The following SEMA3C variants were observed in gnomAD, a reference collection of about 807,000 sequenced individuals.
SEMA3C encodes semaphorin 3C.
In SEMA3C, 47 loss-of-function variants were observed where a neutral mutation model predicts 89.4. That is an observed-to-expected ratio of 0.53 (90% CI 0.42 to 0.67). SEMA3C has a LOEUF of 0.67. Among genes scored for constraint, SEMA3C ranks in the 30% least tolerant of loss-of-function variants. SEMA3C has a pLI of 0.00. For missense variants in SEMA3C, 839 were observed against 929.1 expected (o/e 0.90, Z 1.26); for synonymous variants, 310 against 320.2 (o/e 0.97, Z 0.34).
intron 12 of SEMA3C, among the ~76,000 whole-genome samples, chr7:80,765,950 C>A (rs749598712): frequency 2.6e-5 from 4 of 152,130 alleles, no homozygotes; most frequent in African/African-American, 4.8e-5. Context: ...GTGACAATCT[C>A]ATTTTGTTAA....
intron 12 of SEMA3C, among the ~76,000 whole-genome samples, chr7:80,766,587 A>G (rs1436189790): frequency 6.6e-6 from 1 of 152,148 alleles, no homozygotes; most frequent in Admixed American, 6.5e-5. Flanking sequence ...TGTGGAGTGT[A>G]CTTTCATTTT....
chr7:80,887,367 GTGAGTTTCTCTCA>G (rs1362230066), intron 2 of SEMA3C, among the ~76,000 whole-genome samples: 4 of 151,662 alleles, frequency 2.6e-5, no homozygotes, highest in South Asian at 2.1e-4. Context: ...GAGTTTCTCT[GTGAGTTTCTCTCA>G]TGAGTTTCTC....
intron 6 of SEMA3C, among the ~76,000 whole-genome samples, chr7:80,809,853 G>A (rs1221566850): frequency 1.3e-5 from 2 of 151,976 alleles, no homozygotes; most frequent in Admixed American, 6.6e-5. Context: ...AATAAGCCAG[G>A]CACAGAAAGA....
At chr7:80,901,956 T>A (rs1035568567) in intron 2 of SEMA3C, among the ~76,000 whole-genome samples, 3 of 152,246 alleles carry the variant, frequency 2.0e-5, no homozygotes, top group East Asian at 3.9e-4. Context: ...GTTGTTTGGG[T>A]TTTTTTGTTG....
chr7:80,827,417 A>G lies in SEMA3C; in HGVS notation c.327+8T>C. 1 of 1,417,128 alleles carries G rather than the reference A, an allele frequency of 7.1e-7. No individual in the cohort carries two copies. Among genetic ancestry groups the G allele is most frequent in the Non-Finnish European group, 9.3e-7 (1 of 1,070,368 alleles). 87.8% of individuals were successfully genotyped at this position (1,417,128 alleles called of 1,614,324 possible). A position where few individuals can be genotyped will look rare whatever the true frequency, so the allele number is the denominator to read the frequency against. ...GTTTTTTTTTTTTTTTTTTTTTTTA[A>G]CACTTACTGTGGGATCTTTGCCAGC... On this transcript the variant is annotated splice_region_variant and intron_variant, in intron 4 of 17. Transcript: ENST00000265361.
At chr7:80,759,912 A>G (rs1054967972) in intron 14 of SEMA3C, among the ~76,000 whole-genome samples, 2 of 152,228 alleles carry the variant, frequency 1.3e-5, no homozygotes, top group Non-Finnish European at 2.9e-5. Flanking sequence ...CAGCTTCATT[A>G]AAATACTTTA....
chr7:80,800,720 T>A (rs754186886), intron 10 of SEMA3C, 37 bp downstream of exon 10: 11 of 1,247,308 alleles, frequency 8.8e-6, no homozygotes, highest in Non-Finnish European at 1.1e-5. Context: ...ATGAAGTTTA[T>A]TGTTTAACTC....
At chr7:80,810,763 C>T in intron 5 of SEMA3C, 62 bp from the exon 6 acceptor site, 1 of 1,269,620 alleles carries the variant, frequency 7.9e-7, no homozygotes, top group Non-Finnish European at 1.1e-6. Context: ...GACAATTGTT[C>T]ATTAGTAAAA....
chr7:80,865,085 C>T (rs140419822), intron 2 of SEMA3C, among the ~76,000 whole-genome samples: 271 of 152,236 alleles, frequency 1.8e-3, no homozygotes, highest in African/African-American at 6.2e-3. Context: ...CATTTACATA[C>T]ACTCTGGTGC....
chr7:80,814,722 A>C (rs894538101), intron 5 of SEMA3C, among the ~76,000 whole-genome samples: 7 of 152,156 alleles, frequency 4.6e-5, no homozygotes, highest in Non-Finnish European at 2.9e-5. Flanking sequence ...CAACTACACA[A>C]TTAAAGAGGC....
chr7:80,840,972 C>T (rs764421672), intron 2 of SEMA3C, among the ~76,000 whole-genome samples: 8 of 151,966 alleles, frequency 5.3e-5, no homozygotes, highest in South Asian at 4.2e-4. Context: ...AAAAAGTTTG[C>T]GTAGAAACCC....
chr7:80,889,097 A>G (rs1412604305), intron 2 of SEMA3C, among the ~76,000 whole-genome samples: 1 of 152,178 alleles, frequency 6.6e-6, no homozygotes, highest in Non-Finnish European at 1.5e-5. Flanking sequence ...TCCCCACCTC[A>G]GGTGATCCAC....
At chr7:80,879,200 G>C (rs1385259577) in intron 2 of SEMA3C, among the ~76,000 whole-genome samples, 1 of 151,758 alleles carries the variant, frequency 6.6e-6, no homozygotes, top group Non-Finnish European at 1.5e-5. Flanking sequence ...ACCTAGGAAG[G>C]ATTATTAAAA....
At chr7:80,837,112 A>G (rs1790151789) in intron 2 of SEMA3C, among the ~76,000 whole-genome samples, 1 of 152,150 alleles carries the variant, frequency 6.6e-6, no homozygotes, top group Admixed American at 6.5e-5. Flanking sequence ...TATGAAATAA[A>G]ATATAAAACT....
In SEMA3C at chr7:80,828,058, A is replaced by G. The variant is rs181918477; in HGVS notation, c.264+527T>C. On this transcript the variant is annotated intron_variant, in intron 3 of 17. Coordinates refer to ENST00000265361, the MANE Select transcript of SEMA3C (RefSeq NM_006379.5). ...ATTAATTTTTTTTAGTTGTCAGTCC[A>G]TTGCCTGTGTTAACACTTCTGCAAA... 9.9e-5 allele frequency among the ~76,000 whole-genome samples: 15 copies of G among 152,200 alleles called. No individual in the cohort carries two copies. In the East Asian group the frequency reaches 2.9e-3, roughly 29 times the overall value.
intron 14 of SEMA3C, among the ~76,000 whole-genome samples, chr7:80,759,865 T>G (rs1025148604): frequency 6.6e-6 from 1 of 152,192 alleles, no homozygotes; most frequent in Non-Finnish European, 1.5e-5. Flanking sequence ...AAATAAATGT[T>G]TATCGAGTAA....
chr7:80,773,139 A>T (rs1788471538), intron 12 of SEMA3C, among the ~76,000 whole-genome samples: 1 of 152,196 alleles, frequency 6.6e-6, no homozygotes, highest in Non-Finnish European at 1.5e-5. Context: ...TTTAAAATAG[A>T]AATGTTACAA....
chr7:80,745,073 T>G lies in SEMA3C; in HGVS notation c.2077A>C (p.Ile693Leu), dbSNP rs766899872. ...TCTGAGTGGCTGAATGCCCCCATGA[T>G]GTCCTTCGGGTGGAAGGGTAAAGCC... ...VRALPFHPKD[I>L]MGAFSHSEMQ... Residue 693 changes from isoleucine to leucine, a missense_variant, in exon 18 of 18, where the codon ATC becomes CTC. Physicochemically the swap from Ile to Leu is conservative, Grantham distance 5 (BLOSUM62 2). Coordinates refer to ENST00000265361, the MANE Select transcript of SEMA3C (RefSeq NM_006379.5). 12 of 1,614,004 alleles carry G rather than the reference T, an allele frequency of 7.4e-6. No individual in the cohort carries two copies. The highest frequency in any genetic ancestry group is 9.3e-6 in the Non-Finnish European group (11 of 1,180,004).
In SEMA3C at chr7:80,798,245, G is replaced by T; in HGVS notation, c.987-9C>A. The stretch of plus-strand genomic sequence containing the variant: ...ATCCTTTGAAAACTGAGCTAAAAAA[G>T]AAAACAGAAAAAGGCATTTTCAAAT... On this transcript the variant is annotated splice_polypyrimidine_tract_variant and intron_variant, in intron 10 of 17. Transcript: ENST00000265361. The T allele has an allele frequency of 7.1e-7, 1 of 1,406,902 alleles. No homozygotes were observed. The highest frequency in any genetic ancestry group is 9.3e-7 in the Non-Finnish European group (1 of 1,073,044). The allele number at this position is 1,406,902 out of a possible 1,614,324, so 87.2% of individuals were successfully genotyped here. A position where few individuals can be genotyped will look rare whatever the true frequency, so the allele number is the denominator to read the frequency against.
Sources: gnomAD v4.1 joint callset for allele counts (sites outside exome capture counted in the v4.1 genomes callset) on GRCh38, gnomAD v4.1.1 for gene constraint, MANE v1.5 for transcripts, NCBI Gene and HGNC (gene_info 2026-07-23, HGNC 2026-07-21) for gene names.